Variants in SLX4IP observed in about 807,000 individuals in gnomAD.
SLX4IP encodes protein SLX4IP.
In SLX4IP, 34 loss-of-function variants were observed where a neutral mutation model predicts 32.9. The observed-to-expected ratio is 1.03, with a 90% CI of 0.79 to 1.38. SLX4IP has a LOEUF of 1.38. Ranked by LOEUF, SLX4IP falls within the 40% of genes most tolerant of loss-of-function variation. The probability of loss-of-function intolerance (pLI) is 0.00; values close to 1 mark genes in which losing one functional copy is unlikely to be tolerated. For missense variants in SLX4IP, 444 were observed against 479.0 expected (o/e 0.93, Z 0.68); for synonymous variants, 172 against 171.7 (o/e 1.00, Z -0.01).
At chr20:10,513,821 G>C (rs768160730) in intron 2 of SLX4IP, among the ~76,000 whole-genome samples, 17 of 152,160 alleles carry the variant, frequency 1.1e-4, no homozygotes, top group Non-Finnish European at 2.4e-4. Context: ...GCATCTCTGT[G>C]GGACACCTGT....
intron 4 of SLX4IP, among the ~76,000 whole-genome samples, chr20:10,590,288 A>G (rs1269118489): frequency 6.6e-6 from 1 of 151,634 alleles, no homozygotes; most frequent in Non-Finnish European, 1.5e-5. Context: ...TCATCTTTTC[A>G]TTTTCCCCCA....
intron 4 of SLX4IP, among the ~76,000 whole-genome samples, chr20:10,565,531 G>T (rs2066382361): frequency 6.6e-6 from 1 of 152,074 alleles, no homozygotes; most frequent in South Asian, 2.1e-4. Flanking sequence ...TCCCTTTTGA[G>T]TCCACCACAA....
At chr20:10,579,543 C>T (rs1332455754) in intron 4 of SLX4IP, among the ~76,000 whole-genome samples, 3 of 152,074 alleles carry the variant, frequency 2.0e-5, no homozygotes, top group Non-Finnish European at 4.4e-5. Flanking sequence ...TTCTCCACCT[C>T]AGCCTCCTGA....
At chr20:10,481,021 A>AT (rs2065516257) in intron 2 of SLX4IP, among the ~76,000 whole-genome samples, 1 of 151,242 alleles carries the variant, frequency 6.6e-6, no homozygotes, top group African/African-American at 2.4e-5. Flanking sequence ...AAGACTTTGT[A>AT]TTTGTCCTTG....
intron 2 of SLX4IP, among the ~76,000 whole-genome samples, chr20:10,554,934 G>A (rs1295566877): frequency 6.6e-6 from 1 of 151,994 alleles, no homozygotes; most frequent in African/African-American, 2.4e-5. Context: ...TTCGTTAACA[G>A]AAATTTTTAA....
intron 3 of SLX4IP, among the ~76,000 whole-genome samples, chr20:10,558,595 A>G (rs2066295379): frequency 6.6e-6 from 1 of 152,190 alleles, no homozygotes; most frequent in Non-Finnish European, 1.5e-5. Flanking sequence ...TTTTTAGAAA[A>G]AAGAACTAAT....
chr20:10,492,209 G>A (rs2065629150), intron 2 of SLX4IP, among the ~76,000 whole-genome samples: 1 of 152,210 alleles, frequency 6.6e-6, no homozygotes. Context: ...GGGAGAAGGT[G>A]CACAGAAATA....
At chr20:10,578,403 A>G (rs561689813) in intron 4 of SLX4IP, among the ~76,000 whole-genome samples, 1 of 152,240 alleles carries the variant, frequency 6.6e-6, no homozygotes, top group Non-Finnish European at 1.5e-5. Flanking sequence ...TTTATAACAC[A>G]TATCAGTAGT....
chr20:10,592,352 C>G (rs1048732690), intron 4 of SLX4IP, among the ~76,000 whole-genome samples: 1 of 148,508 alleles, frequency 6.7e-6, no homozygotes, highest in African/African-American at 2.6e-5. Context: ...TCCAACCCCC[C>G]CCCATCACCA....
chr20:10,436,121 A>T (rs1467196331), intron 1 of SLX4IP, among the ~76,000 whole-genome samples: 1 of 152,164 alleles, frequency 6.6e-6, no homozygotes, highest in African/African-American at 2.4e-5. Flanking sequence ...GATCCTAGAC[A>T]TAACGATATT....
At chr20:10,518,323 G>A (rs1440222388) in intron 2 of SLX4IP, among the ~76,000 whole-genome samples, 1 of 152,068 alleles carries the variant, frequency 6.6e-6, no homozygotes, top group African/African-American at 2.4e-5. Context: ...TCTCCACCCA[G>A]CACTAGAGAC....
intron 2 of SLX4IP, among the ~76,000 whole-genome samples, chr20:10,510,854 T>C (rs2065801542): frequency 1.3e-5 from 2 of 152,180 alleles, no homozygotes. Context: ...TCCACCTACC[T>C]TGGCCTCCCA....
At chr20:10,511,156 A>G (rs747942807) in intron 2 of SLX4IP, among the ~76,000 whole-genome samples, 67 of 152,146 alleles carry the variant, frequency 4.4e-4, no homozygotes, top group Admixed American at 5.9e-4. Context: ...TAAAACTTAA[A>G]AAGTTTGCAA....
At chr20:10,589,714 T>C (rs1208910012) in intron 4 of SLX4IP, among the ~76,000 whole-genome samples, 1 of 152,124 alleles carries the variant, frequency 6.6e-6, no homozygotes, top group Non-Finnish European at 1.5e-5. Flanking sequence ...TTTTTAAAAA[T>C]CACGTTATAA....
intron 4 of SLX4IP, among the ~76,000 whole-genome samples, chr20:10,561,714 T>C (rs879371423): frequency 6.6e-6 from 1 of 152,192 alleles, no homozygotes; most frequent in Admixed American, 6.5e-5. Flanking sequence ...CCATTCTTAA[T>C]GCCTTTGCAT....
At chr20:10,465,280 C>CA (rs2065370931) in intron 2 of SLX4IP, among the ~76,000 whole-genome samples, 1 of 152,000 alleles carries the variant, frequency 6.6e-6, no homozygotes, top group African/African-American at 2.4e-5. Context: ...CAGAGATCTG[C>CA]AAATTACAGC....
intron 2 of SLX4IP, among the ~76,000 whole-genome samples, chr20:10,521,309 C>T (rs2065899433): frequency 6.6e-6 from 1 of 152,152 alleles, no homozygotes; most frequent in Non-Finnish European, 1.5e-5. Context: ...CCTTCCTGGA[C>T]TCCTCTCTCT....
At chr20:10,586,356 T>C (rs2066645258) in intron 4 of SLX4IP, among the ~76,000 whole-genome samples, 1 of 152,190 alleles carries the variant, frequency 6.6e-6, no homozygotes, top group African/African-American at 2.4e-5. Context: ...AGTAAAGAAA[T>C]TACTTGATTG....
rs533477857 is a variant in SLX4IP at position 10,444,834 on chromosome 20, C to T, written c.-30+9381C>T. ...ATTTATCACTTTCCAAAGTCCCCAC[C>T]GTTAATACTATTACACTGGGCATTA... On this transcript the variant is annotated intron_variant, in intron 1 of 7. Coordinates refer to ENST00000334534, the MANE Select transcript of SLX4IP (RefSeq NM_001009608.3). Among the ~76,000 whole-genome samples, 5 of 152,140 alleles carry T rather than the reference C, an allele frequency of 3.3e-5. No homozygotes were observed. The South Asian group carries it at 1.0e-3, about 32-fold the overall frequency.
Sources: allele counts gnomAD v4.1 joint callset (sites outside exome capture counted in the v4.1 genomes callset), GRCh38; gene constraint gnomAD v4.1.1; transcripts MANE v1.5; gene names NCBI Gene and HGNC (gene_info 2026-07-23, HGNC 2026-07-21).